Variants in ZDHHC11 observed in about 807,000 individuals in gnomAD.
ZDHHC11 encodes zDHHC palmitoyltransferase 11, also known as palmitoyltransferase ZDHHC11.
In ZDHHC11, 44 loss-of-function variants were observed where a neutral mutation model predicts 51.3. The ratio of observed to expected loss-of-function variants is 0.86; its 90% CI spans 0.67 to 1.10. ZDHHC11 has a LOEUF of 1.10. Ranked by LOEUF, ZDHHC11 falls within the 50% of genes least tolerant of loss-of-function variation. The probability of loss-of-function intolerance (pLI) is 0.00; values close to 1 mark genes in which losing one functional copy is unlikely to be tolerated. For missense variants in ZDHHC11, 400 were observed against 537.7 expected, an observed-to-expected ratio of 0.74 and a Z score of 2.53; for synonymous variants, 163 against 222.0, an observed-to-expected ratio of 0.73 and a Z score of 2.36.
At chr5:858,603 C>T (rs919295718) in intron 1 of ZDHHC11, among the ~76,000 whole-genome samples, 1 of 152,194 alleles carries the variant, frequency 6.6e-6, no homozygotes, top group Non-Finnish European at 1.5e-5. Flanking sequence ...CCTCCAGCCC[C>T]CCAAACGTGT....
upstream of ZDHHC11, among the ~76,000 whole-genome samples, chr5:851,590 G>A (rs1408109209): frequency 6.6e-6 from 1 of 152,154 alleles, no homozygotes; most frequent in Non-Finnish European, 1.5e-5. Flanking sequence ...ACAATTCTTC[G>A]TTCTTGCAGT....
intron 12 of ZDHHC11, among the ~76,000 whole-genome samples, chr5:796,978 C>T (rs547357333): frequency 2.4e-4 from 36 of 151,788 alleles, no homozygotes; most frequent in African/African-American, 6.0e-4. Flanking sequence ...GAGTCCGAGG[C>T]GGGTGGATCA....
chr5:824,528 G>T (rs1265788746), intron 8 of ZDHHC11, among the ~76,000 whole-genome samples: 1 of 151,454 alleles, frequency 6.6e-6, no homozygotes, highest in African/African-American at 2.4e-5. Flanking sequence ...AGAAATATGT[G>T]GCCCTAAAGC....
At chr5:834,500 TTCTG>T (rs781344471) in intron 6 of ZDHHC11, among the ~76,000 whole-genome samples, 55 of 151,538 alleles carry the variant, frequency 3.6e-4, no homozygotes, top group East Asian at 1.2e-3. Flanking sequence ...AAACTGAGTT[TTCTG>T]TTTGTTTATG....
chr5:852,564 C>T (rs1366826902), upstream of ZDHHC11, among the ~76,000 whole-genome samples: 1 of 151,628 alleles, frequency 6.6e-6, no homozygotes, highest in Admixed American at 6.6e-5. Flanking sequence ...GGACAGACCC[C>T]ACGGAGGACA....
At chr5:827,135 C>A (rs1174070460) in intron 7 of ZDHHC11, among the ~76,000 whole-genome samples, 2 of 149,610 alleles carry the variant, frequency 1.3e-5, no homozygotes, top group Non-Finnish European at 3.0e-5. Flanking sequence ...ACTATGTTTC[C>A]TAAATGAAGT....
In ZDHHC11 at chr5:848,766, C is replaced by G. The variant is rs562734159; in HGVS notation, c.223-106G>C. 3.3e-5 allele frequency: 49 copies of G among 1,494,438 alleles called. No homozygotes were observed. The South Asian group carries it at 6.3e-4, about 19-fold the overall frequency. 92.6% of individuals were successfully genotyped at this position (1,494,438 alleles called of 1,614,324 possible). Reference sequence around the variant, plus strand: ...GAGGCGTGGCCGCTGGTCAGCCCTGCTCACCCAGCCCTGCACACGTGAGCC... The same window carrying G: ...GAGGCGTGGCCGCTGGTCAGCCCTGGTCACCCAGCCCTGCACACGTGAGCC... On this transcript the variant is annotated intron_variant, in intron 1 of 12. Transcript: ENST00000283441.
chr5:799,931 C>A (rs1738171553), intron 12 of ZDHHC11, among the ~76,000 whole-genome samples: 1 of 151,370 alleles, frequency 6.6e-6, no homozygotes, highest in Admixed American at 6.6e-5. Flanking sequence ...GATTTTGACT[C>A]CTGCCTCATG....
At chr5:855,092 G>GC (rs1579845526), upstream of ZDHHC11, among the ~76,000 whole-genome samples, 4 of 134,194 alleles carry the variant, frequency 3.0e-5, no homozygotes, top group South Asian at 2.5e-4. Context: ...GAGCCGCGGG[G>GC]ACAGACCCCA....
At chr5:839,868 A>G (rs111304633) in intron 5 of ZDHHC11, 3 of 309,114 alleles carry the variant, frequency 9.7e-6, no homozygotes, top group Non-Finnish European at 1.8e-5. Flanking sequence ...TGCCCAGAGA[A>G]TGGAAGACGC....
At chr5:801,734 G>A (rs747136683) in intron 11 of ZDHHC11, among the ~76,000 whole-genome samples, 4 of 151,190 alleles carry the variant, frequency 2.6e-5, no homozygotes, top group Non-Finnish European at 4.4e-5. Context: ...GTTGGAGATC[G>A]GGCTTAACTT....
upstream of ZDHHC11, among the ~76,000 whole-genome samples, chr5:853,964 G>GC (rs1747724275): frequency 2.0e-5 from 3 of 147,828 alleles, no homozygotes; most frequent in East Asian, 2.0e-4. Context: ...AAGCCAGGGG[G>GC]ACAGACCCCA....
At chr5:808,984 T>TACAC (rs56961185) in intron 11 of ZDHHC11, among the ~76,000 whole-genome samples, 4,078 of 133,756 alleles carry the variant, frequency 0.03, 164 homozygotes, top group Non-Finnish European at 0.043. Flanking sequence ...GACCATCAGT[T>TACAC]ACACACACAC....
chr5:818,798 C>T (rs377054771), intron 10 of ZDHHC11, among the ~76,000 whole-genome samples: 3 of 151,610 alleles, frequency 2.0e-5, no homozygotes, highest in African/African-American at 7.2e-5. Flanking sequence ...GAGGTGGAGG[C>T]TGCAGTGAGC....
upstream of ZDHHC11, among the ~76,000 whole-genome samples, chr5:855,369 CAG>C (rs1748042589): frequency 6.9e-6 from 1 of 144,116 alleles, no homozygotes; most frequent in Non-Finnish European, 1.5e-5. Context: ...CCACAGAGGA[CAG>C]AGAGCCGGGG....
intron 10 of ZDHHC11, chr5:816,793 G>A (rs3890126): frequency 0.058 from 27,529 of 477,432 alleles, 2,916 homozygotes; most frequent in African/African-American, 0.31. Flanking sequence ...TGCTATTTGG[G>A]AGCTGCCCTC....
upstream of ZDHHC11, among the ~76,000 whole-genome samples, chr5:851,810 C>G (rs1747269557): frequency 6.6e-6 from 1 of 152,216 alleles, no homozygotes; most frequent in African/African-American, 2.4e-5. Context: ...AATCCCAGCA[C>G]TGTGGGAAGC....
intron 6 of ZDHHC11, among the ~76,000 whole-genome samples, chr5:835,679 A>G (rs1743730467): frequency 6.6e-6 from 1 of 152,006 alleles, no homozygotes; most frequent in African/African-American, 2.4e-5. Context: ...ATCTGTAGAT[A>G]AGTTTTGGGG....
upstream of ZDHHC11, among the ~76,000 whole-genome samples, chr5:854,624 G>A (rs117856074): frequency 3.0e-3 from 452 of 151,722 alleles, 20 homozygotes; most frequent in East Asian, 0.079. Context: ...ACCCCACAGA[G>A]GACAGCGAGC....
Sources: allele counts gnomAD v4.1 joint callset (sites outside exome capture counted in the v4.1 genomes callset), GRCh38; gene constraint gnomAD v4.1.1; transcripts MANE v1.5; gene names NCBI Gene and HGNC (gene_info 2026-07-23, HGNC 2026-07-21).